Variants in SLC25A48 observed in about 807,000 individuals in gnomAD.
The protein encoded by SLC25A48 is solute carrier family 25 member 48.
SLC25A48 carries 29 observed loss-of-function variants against 32.2 expected under a neutral mutation model. The ratio of observed to expected loss-of-function variants is 0.90; its 90% CI spans 0.67 to 1.23. The LOEUF (loss-of-function observed/expected upper bound fraction) is 1.23, where lower values mean the gene tolerates loss of function less well. Ranked by LOEUF, SLC25A48 falls within the 50% of genes most tolerant of loss-of-function variation. The pLI, the probability that SLC25A48 is intolerant of heterozygous loss-of-function variation, is 0.00. For synonymous variants in SLC25A48, 164 were observed against 172.3 expected, an observed-to-expected ratio of 0.95 and a Z score of 0.38; for missense variants, 399 against 422.7, an observed-to-expected ratio of 0.94 and a Z score of 0.49.
At chr5:135,871,896 C>G (rs1170921004) in intron 5 of SLC25A48, 178 bp downstream of exon 5, 1 of 1,493,174 alleles carries the variant, frequency 6.7e-7, no homozygotes, top group Non-Finnish European at 8.9e-7. Context: ...CAGTCTCATC[C>G]CTTCCCTATG....
intron 4 of SLC25A48, among the ~76,000 whole-genome samples, chr5:135,864,466 C>A (rs1026610584): frequency 1.3e-5 from 2 of 152,096 alleles, no homozygotes; most frequent in African/African-American, 2.4e-5. Context: ...AAGATGAAAC[C>A]TTATGTAGAA....
intron 3 of SLC25A48, among the ~76,000 whole-genome samples, chr5:135,852,357 G>T (rs1759941962): frequency 6.6e-6 from 1 of 152,214 alleles, no homozygotes; most frequent in Admixed American, 6.5e-5. Context: ...AAACAAAGCG[G>T]CCTGCAGAAG....
intron 3 of SLC25A48, among the ~76,000 whole-genome samples, chr5:135,781,350 G>A (rs1204649154): frequency 8.5e-6 from 1 of 117,012 alleles, no homozygotes; most frequent in African/African-American, 2.6e-5. Context: ...TCCATATCGC[G>A]GATGTGTACG....
chr5:135,697,447 C>G (rs970387588), intron 3 of SLC25A48, among the ~76,000 whole-genome samples: 1 of 152,206 alleles, frequency 6.6e-6, no homozygotes, highest in African/African-American at 2.4e-5. Context: ...TGTCTGAGAG[C>G]CATGCTGGCT....
At chr5:135,734,458 G>A (rs773559870) in intron 3 of SLC25A48, among the ~76,000 whole-genome samples, 3 of 152,034 alleles carry the variant, frequency 2.0e-5, no homozygotes, top group East Asian at 3.9e-4. Flanking sequence ...GTCAATACCC[G>A]CAACAGTTAT....
intron 3 of SLC25A48, among the ~76,000 whole-genome samples, chr5:135,700,245 G>A (rs530180549): frequency 1.9e-4 from 29 of 151,754 alleles, no homozygotes; most frequent in Admixed American, 1.6e-3. Flanking sequence ...GGTGGCGTGT[G>A]CCTGTAATCC....
chr5:135,693,356 G>T (rs116513181), intron 3 of SLC25A48, among the ~76,000 whole-genome samples: 1,651 of 152,342 alleles, frequency 0.011, 20 homozygotes, highest in Middle Eastern at 0.061. Context: ...AGGCTGAGCA[G>T]TTCTCCTTGG....
At chr5:135,750,730 A>G (rs1580840503) in intron 3 of SLC25A48, among the ~76,000 whole-genome samples, 2 of 151,988 alleles carry the variant, frequency 1.3e-5, no homozygotes, top group South Asian at 4.2e-4. Context: ...CATGACCTCA[A>G]TTCTTTCCCC....
chr5:135,704,511 A>G (rs1243106493), intron 3 of SLC25A48, among the ~76,000 whole-genome samples: 2 of 152,246 alleles, frequency 1.3e-5, no homozygotes, highest in East Asian at 3.8e-4. Flanking sequence ...CTTCCAGATC[A>G]GTGCTATTTG....
intron 3 of SLC25A48, among the ~76,000 whole-genome samples, chr5:135,742,829 A>G (rs188101221): frequency 1.6e-3 from 247 of 152,154 alleles, no homozygotes; most frequent in African/African-American, 5.8e-3. Flanking sequence ...CATATTCTCC[A>G]CAAGGGTAGG....
intron 3 of SLC25A48, among the ~76,000 whole-genome samples, chr5:135,646,678 T>TATATATATATATATATATATAC (rs966073970): frequency 2.2e-5 from 3 of 136,754 alleles, no homozygotes; most frequent in African/African-American, 8.2e-5. Context: ...TATATATATA[T>TATATATATATATATATATATAC]ACAATGGGAA....
At chr5:135,841,687 G>A (rs1759003239) in intron 1 of SLC25A48, among the ~76,000 whole-genome samples, 1 of 150,686 alleles carries the variant, frequency 6.6e-6, no homozygotes, top group South Asian at 2.2e-4. Flanking sequence ...TTTTGCTAGA[G>A]GAGTCACTAG....
At chr5:135,771,815 G>A (rs1756420650) in intron 3 of SLC25A48, among the ~76,000 whole-genome samples, 1 of 151,290 alleles carries the variant, frequency 6.6e-6, no homozygotes, top group African/African-American at 2.4e-5. Context: ...TATTTAGGGG[G>A]GGGAGAACAT....
intron 3 of SLC25A48, among the ~76,000 whole-genome samples, chr5:135,707,303 TC>T (rs1202579194): frequency 1.3e-5 from 2 of 152,160 alleles, no homozygotes; most frequent in Non-Finnish European, 2.9e-5. Flanking sequence ...CCTTGTGCAC[TC>T]TTGCTCCTGA....
chr5:135,610,252 T>A (rs1370695004), intron 1 of SLC25A48, among the ~76,000 whole-genome samples: 1 of 152,144 alleles, frequency 6.6e-6, no homozygotes, highest in Non-Finnish European at 1.5e-5. Context: ...GGGGTGCCCA[T>A]CTCCCCTCTC....
At chr5:135,846,295 G>A (rs1359448010) in intron 2 of SLC25A48, among the ~76,000 whole-genome samples, 1 of 152,202 alleles carries the variant, frequency 6.6e-6, no homozygotes, top group African/African-American at 2.4e-5. Context: ...CACTCTTGTA[G>A]ACCACTGGGA....
intron 4 of SLC25A48, among the ~76,000 whole-genome samples, chr5:135,868,406 C>G (rs1370425675): frequency 6.6e-6 from 1 of 152,074 alleles, no homozygotes; most frequent in Non-Finnish European, 1.5e-5. Flanking sequence ...GGATCCTGTC[C>G]TGGAGGGGAA....
intron 3 of SLC25A48, among the ~76,000 whole-genome samples, chr5:135,657,632 TC>T (rs1235584742): frequency 1.3e-5 from 2 of 152,160 alleles, no homozygotes; most frequent in Admixed American, 1.3e-4. Flanking sequence ...TTTGCAGAGT[TC>T]CCTCTAGCAT....
At chr5:135,807,447 G>T in intron 3 of SLC25A48, among the ~76,000 whole-genome samples, 1 of 150,244 alleles carries the variant, frequency 6.7e-6, no homozygotes. Context: ...AAATATCATG[G>T]ATACTTTATT....
Sources: gnomAD v4.1 joint callset for allele counts (sites outside exome capture counted in the v4.1 genomes callset) on GRCh38, gnomAD v4.1.1 for gene constraint, MANE v1.5 for transcripts, NCBI Gene and HGNC (gene_info 2026-07-23, HGNC 2026-07-21) for gene names.